The following CCDC30 variants were observed in gnomAD, a reference collection of about 807,000 sequenced individuals.
CCDC30 encodes coiled-coil domain-containing protein 30.
In CCDC30, 70 loss-of-function variants were observed where a neutral mutation model predicts 100.2. That is an observed-to-expected ratio of 0.70 (90% CI 0.58 to 0.85). The LOEUF is 0.85. CCDC30 is among the 40% of genes least tolerant of loss of function. The pLI is 0.00. For missense variants in CCDC30, 652 were observed against 771.2 expected (o/e 0.85, Z 1.83); for synonymous variants, 233 against 269.5 (o/e 0.86, Z 1.33).
intron 11 of CCDC30, among the ~76,000 whole-genome samples, chr1:42,615,431 GGGATTAC>G (rs1254542063): frequency 1.3e-5 from 2 of 152,034 alleles, no homozygotes; most frequent in East Asian, 3.8e-4. Flanking sequence ...CCGAGTAGCT[GGGATTAC>G]AGGCGCACGC....
At position 42,560,913 on chromosome 1, in the gene CCDC30, T is replaced by G. The variant is rs138269777; in HGVS notation, c.457-5383T>G. Among the ~76,000 whole-genome samples, 980 of 152,314 alleles carry G rather than the reference T, an allele frequency of 6.4e-3. 6 individuals are homozygous for G. Among genetic ancestry groups the G allele is most frequent in the African/African-American group, 0.022 (929 of 41,560 alleles). On this transcript the variant is annotated intron_variant, in intron 6 of 16. Transcript: ENST00000668663. ...CTACCAAGACTAAACCAGGAAGAAG[T>G]TGAATCCCTGAATAGACCAGTAACA...
chr1:42,601,301 G>A (rs1646400275), intron 10 of CCDC30, among the ~76,000 whole-genome samples: 1 of 152,176 alleles, frequency 6.6e-6, no homozygotes, highest in African/African-American at 2.4e-5. Flanking sequence ...GAAGAAAGAC[G>A]GGAAGCATTG....
intron 6 of CCDC30, among the ~76,000 whole-genome samples, chr1:42,563,497 T>C (rs1271758384): frequency 1.3e-5 from 2 of 152,038 alleles, no homozygotes; most frequent in African/African-American, 4.8e-5. Context: ...GATGGGTCAA[T>C]ACGTGCAGCA....
rs370030130 is a variant in CCDC30 at position 42,602,215 on chromosome 1, GA to G, written c.1165-8754del. Among the ~76,000 whole-genome samples, 38 of 147,894 alleles carry G rather than the reference GA, an allele frequency of 2.6e-4. No individual in the cohort carries two copies. In the East Asian group the frequency reaches 5.6e-3, roughly 22 times the overall value. On this transcript the variant is annotated intron_variant, in intron 10 of 16. Transcript: ENST00000668663. ...GAGCAAATTAAATCCAAAGTAAGCT[GA>G]AAAAAAAAGAAATAATAAAAATTAC...
At chr1:42,654,847 G>A (rs971669417), downstream of CCDC30, among the ~76,000 whole-genome samples, 2 of 151,280 alleles carry the variant, frequency 1.3e-5, no homozygotes, top group Non-Finnish European at 2.9e-5. Context: ...CAAGTAGCTG[G>A]GATTATAGGT....
At chr1:42,628,178 T>C (rs1646967687) in intron 11 of CCDC30, among the ~76,000 whole-genome samples, 1 of 152,220 alleles carries the variant, frequency 6.6e-6, no homozygotes, top group Admixed American at 6.5e-5. Context: ...TTTGGAGCTT[T>C]AAAATTGACT....
rs1239338055 is a variant in CCDC30 at position 42,556,412 on chromosome 1, G to A, written c.457-9884G>A. On this transcript the variant is annotated intron_variant, in intron 6 of 16. Coordinates refer to ENST00000668663, the Ensembl canonical transcript of CCDC30. ...AGATGACAGTGGTGCCCAGGTAGGT[G>A]CTATAAACACATGCCCTGACTGGGT... 1 of 1,593,022 alleles carries A rather than the reference G, an allele frequency of 6.3e-7. No individual in the cohort carries two copies. The highest frequency in any genetic ancestry group is 1.8e-5 in the Admixed American group (1 of 56,396).
rs1046091945 is a variant in CCDC30 at position 42,577,115 on chromosome 1, A to C, written c.732A>C (p.Lys244Asn). The C allele has an allele frequency of 3.1e-6, 5 of 1,614,024 alleles. No individual in the cohort carries two copies. The Admixed American group carries it at 6.7e-5, about 22-fold the overall frequency. The change falls in exon 8 of 17, where the codon AAA (lysine) becomes AAC (asparagine). Residue 244 changes from lysine (K) to asparagine (N), a missense_variant. Physicochemically the swap from Lys to Asn is moderately conservative, Grantham distance 94. Coordinates refer to ENST00000668663, the Ensembl canonical transcript of CCDC30. The stretch of plus-strand genomic sequence containing the variant: ...CAGAGTACAAGCACTGTCAGCAGAA[A>C]ATCAAGGAACTGGAGTTGGAAGTAC...
chr1:42,483,104 T>C (rs979516526), intron 3 of CCDC30: 21 of 232,484 alleles, frequency 9.0e-5, no homozygotes, highest in African/African-American at 4.5e-4. Flanking sequence ...TCCTTCCTCC[T>C]CCTTCAGAGT....
At position 42,470,599 on chromosome 1, in the gene CCDC30, A is replaced by G. The variant is rs116531650; in HGVS notation, c.-92+6701A>G. Among the ~76,000 whole-genome samples, 1,084 of 152,368 alleles carry G rather than the reference A, an allele frequency of 7.1e-3. 16 individuals carry two copies. Among genetic ancestry groups the G allele is most frequent in the African/African-American group, 0.025 (1,021 of 41,578 alleles). On this transcript the variant is annotated intron_variant, in intron 1 of 16. Coordinates refer to ENST00000668663, the Ensembl canonical transcript of CCDC30. ...GGTGAATGTATAAATAAAATGTGCT[A>G]TGTACATACAATGGAATATTATTCA...
intron 6 of CCDC30, 125 bp from the exon 11 acceptor site, chr1:42,566,171 A>T: frequency 1.4e-6 from 1 of 690,094 alleles, no homozygotes; most frequent in Non-Finnish European, 2.4e-6. Flanking sequence ...TAGATAAGCT[A>T]ACTCCAAAAA....
chr1:42,519,770 G>C (rs1644608154), intron 6 of CCDC30, among the ~76,000 whole-genome samples: 1 of 151,578 alleles, frequency 6.6e-6, no homozygotes, highest in Non-Finnish European at 1.5e-5. Flanking sequence ...GGCCAGGCTG[G>C]TCTCAAACTC....
At chr1:42,456,318 A>G in the CCDC30 span, 1 of 597,344 alleles carries the variant, frequency 1.7e-6, no homozygotes, top group East Asian at 2.9e-5. Flanking sequence ...TAGGAAACGA[A>G]CGTGAGGGAA....
chr1:42,602,057 G>T (rs1449385578), intron 10 of CCDC30, among the ~76,000 whole-genome samples: 1 of 151,976 alleles, frequency 6.6e-6, no homozygotes, highest in African/African-American at 2.4e-5. Flanking sequence ...TGGACTAAAG[G>T]CTCTTGACAG....
chr1:42,482,613 T>G, intron 2 of CCDC30, 50 bp from the exon 3 acceptor site: 5 of 1,122,640 alleles, frequency 4.5e-6, no homozygotes, highest in Non-Finnish European at 5.6e-6. Context: ...CAAAATGTCA[T>G]GAGAGTACAT....
upstream of CCDC30, among the ~76,000 whole-genome samples, chr1:42,462,710 T>C (rs1643443636): frequency 1.3e-5 from 2 of 152,212 alleles, no homozygotes; most frequent in South Asian, 4.1e-4. Flanking sequence ...AAGTTTTTAT[T>C]TTGCATTACA....
At chr1:42,578,990 CT>C (rs1390205446) in intron 8 of CCDC30, among the ~76,000 whole-genome samples, 1 of 151,954 alleles carries the variant, frequency 6.6e-6, no homozygotes, top group Admixed American at 6.6e-5. Context: ...CTAGAATTAA[CT>C]TTTTTTGTTT....
In CCDC30 at chr1:42,470,285, G is replaced by T. The variant is rs527421167; in HGVS notation, c.-92+6387G>T. ...AGAGCAACTGCTTCACACCCATTAG[G>T]ATGGCTATTTTTTTTTTAAAGTAAC... On this transcript the variant is annotated intron_variant, in intron 1 of 16. Coordinates refer to ENST00000668663, the Ensembl canonical transcript of CCDC30. Among the ~76,000 whole-genome samples the T allele has an allele frequency of 1.9e-3, 141 of 73,168 alleles. 1 individual carries two copies. Among genetic ancestry groups the T allele is most frequent in the African/African-American group, 6.6e-3 (133 of 20,256 alleles). 48.0% of individuals were successfully genotyped at this position (73,168 alleles called of 152,430 possible). A position where few individuals can be genotyped will look rare whatever the true frequency, so the allele number is the denominator to read the frequency against.
At chr1:42,565,827 C>G (rs1262007493) in intron 6 of CCDC30, among the ~76,000 whole-genome samples, 1 of 151,908 alleles carries the variant, frequency 6.6e-6, no homozygotes, top group Non-Finnish European at 1.5e-5. Context: ...GAAGAATCAT[C>G]GGGAAATAAA....
Sources: gnomAD v4.1 joint callset for allele counts (sites outside exome capture counted in the v4.1 genomes callset) on GRCh38, gnomAD v4.1.1 for gene constraint, MANE v1.5 for transcripts, NCBI Gene and HGNC (gene_info 2026-07-23, HGNC 2026-07-21) for gene names.